PDE6C: variants seen among roughly 807,000 people sequenced by gnomAD.
The protein encoded by PDE6C is cone cGMP-specific 3',5'-cyclic phosphodiesterase subunit alpha'.
Under a neutral mutation model 113.1 loss-of-function variants are expected in PDE6C, and 75 were observed. The ratio of observed to expected loss-of-function variants is 0.66; its 90% CI spans 0.55 to 0.80. The LOEUF is 0.80. Among genes scored for constraint, PDE6C ranks in the 30% least tolerant of loss-of-function variants. The pLI is 0.00. For synonymous variants in PDE6C, 375 were observed against 363.7 expected (o/e 1.03, Z -0.35); for missense variants, 912 against 1,038.6 (o/e 0.88, Z 1.67).
intron 16 of PDE6C, among the ~76,000 whole-genome samples, chr10:93,658,169 C>CAAAAAAAAAAAA (rs71031527): frequency 1.7e-4 from 10 of 59,834 alleles, no homozygotes; most frequent in Admixed American, 4.7e-4. Context: ...GATTCTGTCT[C>CAAAAAAAAAAAA]AAAAAAAAAA....
At chr10:93,647,435 A>G (rs904945678) in intron 15 of PDE6C, among the ~76,000 whole-genome samples, 1 of 152,182 alleles carries the variant, frequency 6.6e-6, no homozygotes, top group Middle Eastern at 3.2e-3. Flanking sequence ...AAAATCTCAT[A>G]AGGCAGAGCA....
chr10:93,640,134 T>A lies in PDE6C; in HGVS notation c.1547T>A (p.Leu516His). The A allele has an allele frequency of 6.2e-7, 1 of 1,613,892 alleles. No homozygotes were observed. Among genetic ancestry groups the A allele is most frequent in the African/African-American group, 1.3e-5 (1 of 75,036 alleles). The change falls in exon 12 of 22, where the codon CTT (leucine) becomes CAT (histidine). Residue 516 changes from leucine (L) to histidine (H), a missense_variant. Coordinates refer to ENST00000371447, the MANE Select transcript of PDE6C (RefSeq NM_006204.4). ...LYEFRFSDFP[L>H]TEHGLIKCGI... Reference sequence around the variant, plus strand: ...GAATTCCGCTTCAGTGACTTCCCCCTTACAGAGCACGGATTGATTAAATGT... The same window carrying A: ...GAATTCCGCTTCAGTGACTTCCCCCATACAGAGCACGGATTGATTAAATGT...
At chr10:93,650,669 CAT>C (rs757649680) in intron 15 of PDE6C, among the ~76,000 whole-genome samples, 2 of 152,168 alleles carry the variant, frequency 1.3e-5, no homozygotes, top group African/African-American at 4.8e-5. Flanking sequence ...CAGAACTTCA[CAT>C]GATGGTGTCC....
At chr10:93,637,955 G>T (rs2058541834) in intron 11 of PDE6C, among the ~76,000 whole-genome samples, 1 of 152,154 alleles carries the variant, frequency 6.6e-6, no homozygotes, top group Non-Finnish European at 1.5e-5. Context: ...TCTGGCAGGT[G>T]AGAGAATTGT....
chr10:93,645,442 C>T (rs1039211503), intron 14 of PDE6C, among the ~76,000 whole-genome samples: 2 of 152,174 alleles, frequency 1.3e-5, no homozygotes, highest in Non-Finnish European at 2.9e-5. Flanking sequence ...ACATCAGCCT[C>T]TTTTACCCTG....
chr10:93,624,019 A>G (rs36102645), intron 4 of PDE6C, among the ~76,000 whole-genome samples: 12,472 of 151,932 alleles, frequency 0.082, 584 homozygotes, highest in African/African-American at 0.12. Flanking sequence ...TATATATATA[A>G]ACACTATATG....
At chr10:93,622,897 C>G (rs1163909168) in intron 4 of PDE6C, among the ~76,000 whole-genome samples, 5 of 151,976 alleles carry the variant, frequency 3.3e-5, no homozygotes, top group African/African-American at 9.7e-5. Context: ...TTGGTTGCTT[C>G]TAATATTTAG....
intron 8 of PDE6C, among the ~76,000 whole-genome samples, chr10:93,630,649 T>C (rs546672933): frequency 4.5e-4 from 69 of 152,166 alleles, no homozygotes; most frequent in African/African-American, 1.6e-3. Context: ...GTGGGTACCG[T>C]TGGGGTCTGT....
At chr10:93,645,668 T>C (rs1265108957) in intron 14 of PDE6C, among the ~76,000 whole-genome samples, 1 of 152,228 alleles carries the variant, frequency 6.6e-6, no homozygotes, top group Non-Finnish European at 1.5e-5. Flanking sequence ...TAAGTCATAG[T>C]CCACCGCCAT....
At chr10:93,664,752 C>G (rs2058682032) in intron 21 of PDE6C, among the ~76,000 whole-genome samples, 1 of 152,198 alleles carries the variant, frequency 6.6e-6, no homozygotes, top group South Asian at 2.1e-4. Context: ...TCATTATTTT[C>G]TATCACCAGG....
intron 14 of PDE6C, among the ~76,000 whole-genome samples, chr10:93,644,840 T>C (rs1333341160): frequency 2.1e-5 from 3 of 146,148 alleles, no homozygotes; most frequent in Non-Finnish European, 4.5e-5. Context: ...ATACTATATA[T>C]AGTACATATA....
chr10:93,629,943 C>T (rs929070436), intron 8 of PDE6C, among the ~76,000 whole-genome samples: 1 of 152,054 alleles, frequency 6.6e-6, no homozygotes, highest in East Asian at 1.9e-4. Context: ...GATTGGGGAC[C>T]CCTGATCTAA....
chr10:93,645,281 C>A (rs549454740), intron 14 of PDE6C, among the ~76,000 whole-genome samples: 2 of 152,316 alleles, frequency 1.3e-5, no homozygotes, highest in South Asian at 2.1e-4. Flanking sequence ...AGTAACCTGG[C>A]AATGACCTCT....
At chr10:93,626,963 T>G (rs1489526226) in intron 7 of PDE6C, 92 bp downstream of exon 7, 1 of 1,197,936 alleles carries the variant, frequency 8.3e-7, no homozygotes, top group Non-Finnish European at 1.2e-6. Context: ...CAAGAATGCA[T>G]CCAATAAAAG....
chr10:93,631,134 T>TG (rs1160071378), intron 8 of PDE6C, among the ~76,000 whole-genome samples: 1 of 152,222 alleles, frequency 6.6e-6, no homozygotes, highest in African/African-American at 2.4e-5. Flanking sequence ...TCTCATGGCC[T>TG]GGGCAGAGAG....
At position 93,658,928 on chromosome 10, in the gene PDE6C, T is replaced by C; in HGVS notation, c.2064T>C (p.Val688=). Reference sequence around the variant, plus strand: ...AGAGGACCATGTTTCAAAAAATTGTTGATGCCTGTGAACAAATGCAAACGG... The same window carrying C: ...AGAGGACCATGTTTCAAAAAATTGTCGATGCCTGTGAACAAATGCAAACGG... ...FKKRTMFQKI[V]DACEQMQTEE... is the part of the protein sequence containing the mutation. The change falls in exon 17 of 22, where the codon GTT becomes GTC. Residue 688 remains valine, a synonymous_variant. Coordinates refer to ENST00000371447, the MANE Select transcript of PDE6C (RefSeq NM_006204.4). The C allele has an allele frequency of 3.7e-6, 6 of 1,612,152 alleles. No individual in the cohort carries two copies. Among genetic ancestry groups the C allele is most frequent in the Non-Finnish European group, 5.1e-6 (6 of 1,178,398 alleles).
rs780511565 is a variant in PDE6C at position 93,640,115 on chromosome 10, C to T, written c.1528C>T (p.Arg510Cys). ...ACGCTCAGCAGAACTGTACGAATTCCGCTTCAGTGACTTCCCCCTTACAGA... is the reference window on the plus strand; with the variant it reads ...ACGCTCAGCAGAACTGTACGAATTCTGCTTCAGTGACTTCCCCCTTACAGA... ...DPRSAELYEF[R>C]FSDFPLTEHG... The change falls in exon 12 of 22, where the codon CGC (arginine) becomes TGC (cysteine). Residue 510 changes from arginine to cysteine, a missense_variant. By Grantham distance (180) the Arg-to-Cys change is radical. Coordinates refer to ENST00000371447, the MANE Select transcript of PDE6C (RefSeq NM_006204.4). 2.7e-5 allele frequency: 43 copies of T among 1,613,750 alleles called. No homozygotes were observed. The highest frequency in any genetic ancestry group is 3.3e-4 in the Middle Eastern group (2 of 6,084).
chr10:93,622,691 G>GTTTTTTT, intron 4 of PDE6C, among the ~76,000 whole-genome samples: 1 of 114,726 alleles, frequency 8.7e-6, no homozygotes, highest in African/African-American at 3.8e-5. Flanking sequence ...TGTTTCTATA[G>GTTTTTTT]TTTTTGCCTT....
At chr10:93,631,786 T>C (rs1434726126) in intron 8 of PDE6C, among the ~76,000 whole-genome samples, 1 of 152,184 alleles carries the variant, frequency 6.6e-6, no homozygotes, top group Non-Finnish European at 1.5e-5. Context: ...AAGCCAATGA[T>C]ATAAAAAGAA....
Sources: gnomAD v4.1 joint callset for allele counts (sites outside exome capture counted in the v4.1 genomes callset) on GRCh38, gnomAD v4.1.1 for gene constraint, MANE v1.5 for transcripts, NCBI Gene and HGNC (gene_info 2026-07-23, HGNC 2026-07-21) for gene names.